The following SLC6A2 variants were observed in gnomAD, a reference collection of about 807,000 sequenced individuals.
The protein encoded by SLC6A2 is sodium-dependent noradrenaline transporter.
A neutral mutation model predicts 71.7 loss-of-function variants in SLC6A2; 26 were observed. The ratio of observed to expected loss-of-function variants is 0.36; its 90% confidence interval spans 0.27 to 0.50. The LOEUF is 0.50. Among genes scored for constraint, SLC6A2 ranks in the 20% least tolerant of loss-of-function variants. The pLI, the probability that SLC6A2 is intolerant of heterozygous loss-of-function variation, is 0.96. For synonymous variants in SLC6A2, 363 were observed against 337.9 expected (o/e 1.07, Z -0.82); for missense variants, 581 against 803.9 (o/e 0.72, Z 3.35).
chr16:55,677,457 C>G (rs1162845917), intron 4 of SLC6A2, among the ~76,000 whole-genome samples: 1 of 152,178 alleles, frequency 6.6e-6, no homozygotes, highest in Non-Finnish European at 1.5e-5. Flanking sequence ...CCGCTGATGT[C>G]TTCATGGCTA....
In SLC6A2 at chr16:55,700,249, C is replaced by A. The variant is rs376748012; in HGVS notation, c.1701C>A (p.Val567=). 8.7e-6 allele frequency: 14 copies of A among 1,613,984 alleles called. No homozygotes were observed. Among genetic ancestry groups the A allele is most frequent in the Non-Finnish European group, 4.2e-6 (5 of 1,180,028 alleles). Residue 567 remains valine, a synonymous_variant, in exon 13 of 15, where the codon GTC becomes GTA. Transcript: ENST00000568943. ...GGGGCATCGCCCTGTCCTCCATGGT[C>A]CTGGTGCCCATCTACGTCATCTATA... The part of the protein sequence containing the change: ...VGWGIALSSM[V]LVPIYVIYKF...
At chr16:55,682,081 A>G (rs994584533) in intron 4 of SLC6A2, among the ~76,000 whole-genome samples, 18 of 152,166 alleles carry the variant, frequency 1.2e-4, no homozygotes, top group African/African-American at 4.1e-4. Flanking sequence ...TAATTTTTGT[A>G]TTTTTAGTAG....
chr16:55,666,696 G>A lies in SLC6A2; in HGVS notation c.275-2869G>A, dbSNP rs11639595. ...TTTTCTCATGTTACTGTGCCTCCCA[G>A]CCAGCAGAGGAAGAATAACTCCAAA... is the stretch of plus-strand genomic sequence containing the variant. On this transcript the variant is annotated intron_variant, in intron 2 of 14. Coordinates refer to ENST00000568943, the MANE Select transcript of SLC6A2 (RefSeq NM_001172501.3). Among the ~76,000 whole-genome samples, 1,215 of 152,244 alleles carry A rather than the reference G, an allele frequency of 8.0e-3. 9 individuals are homozygous for A. The highest frequency in any genetic ancestry group is 0.013 in the Non-Finnish European group (883 of 68,012).
At chr16:55,684,803 G>C (rs1965394532) in intron 4 of SLC6A2, among the ~76,000 whole-genome samples, 1 of 152,232 alleles carries the variant, frequency 6.6e-6, no homozygotes, top group African/African-American at 2.4e-5. Flanking sequence ...GCTCTTTATA[G>C]TGTGAGTTCT....
chr16:55,682,437 G>A (rs549718723), intron 4 of SLC6A2, among the ~76,000 whole-genome samples: 1 of 152,290 alleles, frequency 6.6e-6, no homozygotes, highest in African/African-American at 2.4e-5. Context: ...TCTCCTTGGG[G>A]TGATCCTGGG....
At chr16:55,695,490 C>A in intron 8 of SLC6A2, 88 bp downstream of exon 8, 1 of 1,460,228 alleles carries the variant, frequency 6.8e-7, no homozygotes, top group Non-Finnish European at 9.5e-7. Flanking sequence ...TCTTCCGTGG[C>A]TGTAGGAATA....
chr16:55,689,378 G>A (rs1188381935), intron 5 of SLC6A2, among the ~76,000 whole-genome samples: 1 of 152,226 alleles, frequency 6.6e-6, no homozygotes, highest in African/African-American at 2.4e-5. Context: ...TTGAACTATA[G>A]TCAGGGTCTC....
At chr16:55,691,134 G>A (rs1413595971) in intron 5 of SLC6A2, among the ~76,000 whole-genome samples, 4 of 150,988 alleles carry the variant, frequency 2.6e-5, no homozygotes, top group African/African-American at 9.8e-5. Flanking sequence ...ATAAACATAA[G>A]GGAGAGAGTG....
At chr16:55,687,574 C>T (rs1965494904) in intron 5 of SLC6A2, among the ~76,000 whole-genome samples, 1 of 150,620 alleles carries the variant, frequency 6.6e-6, no homozygotes, top group African/African-American at 2.5e-5. Flanking sequence ...CTCTCTGTGC[C>T]TTTCCTGGGT....
chr16:55,690,528 A>C (rs1251097201), intron 5 of SLC6A2, among the ~76,000 whole-genome samples: 1 of 152,134 alleles, frequency 6.6e-6, no homozygotes, highest in Non-Finnish European at 1.5e-5. Context: ...GGGTGGAACC[A>C]TCTGGCATTT....
intron 5 of SLC6A2, among the ~76,000 whole-genome samples, chr16:55,691,482 A>T (rs12920735): frequency 0.29 from 44,107 of 151,986 alleles, 7,448 homozygotes; most frequent in Non-Finnish European, 0.37. Flanking sequence ...CACAACTTCA[A>T]TGACAGGTAC....
At chr16:55,701,605 T>A (rs1258836235) in intron 13 of SLC6A2, among the ~76,000 whole-genome samples, 1 of 152,134 alleles carries the variant, frequency 6.6e-6, no homozygotes, top group Non-Finnish European at 1.5e-5. Context: ...ACTGTGTGGG[T>A]CTCCTTCAAG....
chr16:55,681,479 T>C (rs983648844), intron 4 of SLC6A2, among the ~76,000 whole-genome samples: 8 of 152,244 alleles, frequency 5.3e-5, no homozygotes, highest in African/African-American at 1.9e-4. Flanking sequence ...GGAAGCCAGG[T>C]CTGTCTGACC....
intron 5 of SLC6A2, among the ~76,000 whole-genome samples, chr16:55,687,455 A>G (rs543746128): frequency 6.6e-6 from 1 of 152,194 alleles, no homozygotes; most frequent in Non-Finnish European, 1.5e-5. Context: ...CTGGGTCTAC[A>G]AAGTCAGGTG....
intron 2 of SLC6A2, among the ~76,000 whole-genome samples, chr16:55,660,182 T>C (rs1397923406): frequency 6.6e-6 from 1 of 151,976 alleles, no homozygotes; most frequent in African/African-American, 2.4e-5. Context: ...GCTGTGCACC[T>C]GGGGCAGGAA....
chr16:55,659,444 T>C (rs569988265), intron 2 of SLC6A2, among the ~76,000 whole-genome samples: 102 of 152,228 alleles, frequency 6.7e-4, no homozygotes, highest in Middle Eastern at 6.8e-3. Flanking sequence ...GTTCCAGTCT[T>C]TAGGTGAAGC....
rs1597023768 is a variant in SLC6A2 at position 55,704,867 on chromosome 16, C to A, written c.*2521C>A. ...TCTGGGATGGGAACCTGGCTCCAAG[C>A]CTGGGTCCCCTGGGAGGGTGGGGGT... On this transcript the variant is annotated 3_prime_UTR_variant, in exon 15 of 15. Transcript: ENST00000568943. 1.1e-5 allele frequency: 2 copies of A among 179,216 alleles called. No homozygotes were observed. The highest frequency in any genetic ancestry group is 4.7e-5 in the African/African-American group (2 of 42,406). 11.1% of individuals were successfully genotyped at this position (179,216 alleles called of 1,614,324 possible).
chr16:55,668,769 A>G (rs888917633), intron 2 of SLC6A2, among the ~76,000 whole-genome samples: 22 of 152,162 alleles, frequency 1.4e-4, no homozygotes, highest in Non-Finnish European at 3.1e-4. Context: ...GACCCCATGA[A>G]GTTTCTGTGA....
At position 55,672,098 on chromosome 16, in the gene SLC6A2, G is replaced by T. The variant is rs1176595462; in HGVS notation, c.567G>T (p.Lys189Asn). The T allele has an allele frequency of 1.2e-6, 2 of 1,614,172 alleles. No homozygotes were observed. Among genetic ancestry groups the T allele is most frequent in the East Asian group, 2.2e-5 (1 of 44,872 alleles). ...ACAGCCCCAACTGTACCGACCCCAA[G>T]CTCCTCAATGGCTCCGTGCTTGGCA... ...TWNSPNCTDP[K>N]LLNGSVLGNH... The change falls in exon 4 of 15, where the codon AAG becomes AAT. Residue 189 changes from lysine (K) to asparagine (N), a missense_variant. By Grantham distance (94) the Lys-to-Asn change is moderately conservative. Transcript: ENST00000568943.
Sources: gnomAD v4.1 joint callset for allele counts (sites outside exome capture counted in the v4.1 genomes callset) on GRCh38, gnomAD v4.1.1 for gene constraint, MANE v1.5 for transcripts, NCBI Gene and HGNC (gene_info 2026-07-23, HGNC 2026-07-21) for gene names.